Variants in ASTN2 observed in about 807,000 individuals in gnomAD.
ASTN2 encodes astrotactin 2.
ASTN2 carries 54 observed loss-of-function variants against 139.8 expected under a neutral mutation model. The observed-to-expected ratio is 0.39, with a 90% CI of 0.31 to 0.48. ASTN2 has a LOEUF of 0.48. Among genes scored for constraint, ASTN2 ranks in the 20% least tolerant of loss-of-function variants. ASTN2 has a pLI of 0.95. For synonymous variants in ASTN2, 756 were observed against 719.5 expected, an observed-to-expected ratio of 1.05 and a Z score of -0.81; for missense variants, 1,565 against 1,725.1, an observed-to-expected ratio of 0.91 and a Z score of 1.64.
chr9:117,002,956 GGAAAAGTGTTTGGGCT>G (rs1192418656), intron 7 of ASTN2, among the ~76,000 whole-genome samples: 2 of 152,160 alleles, frequency 1.3e-5, no homozygotes, highest in African/African-American at 4.8e-5. Flanking sequence ...ACCTGTAGGA[GGAAAAGTGTTTGGGCT>G]GAACGTGTAG....
At chr9:117,017,485 T>C (rs186141521) in intron 6 of ASTN2, among the ~76,000 whole-genome samples, 1 of 152,200 alleles carries the variant, frequency 6.6e-6, no homozygotes, top group Non-Finnish European at 1.5e-5. Context: ...TTGATAGGAG[T>C]CTAACGGGAA....
At chr9:117,329,837 A>G (rs1200790099) in intron 1 of ASTN2, among the ~76,000 whole-genome samples, 1 of 152,214 alleles carries the variant, frequency 6.6e-6, no homozygotes, top group African/African-American at 2.4e-5. Flanking sequence ...CACTAAAATA[A>G]TAATAGACAT....
chr9:116,960,297 G>T (rs1322794515), intron 10 of ASTN2, among the ~76,000 whole-genome samples: 1 of 152,162 alleles, frequency 6.6e-6, no homozygotes, highest in African/African-American at 2.4e-5. Context: ...TACTACCTCA[G>T]GAGTATCCTG....
chr9:117,348,882 C>CA (rs58386335), intron 1 of ASTN2, among the ~76,000 whole-genome samples: 114,744 of 130,130 alleles, frequency 0.88, 50,410 homozygotes, highest in East Asian at 0.97. Context: ...TGTCTCTGTC[C>CA]AAAAAAAAAA....
At chr9:117,051,654 CAA>C (rs946941125) in intron 5 of ASTN2, among the ~76,000 whole-genome samples, 3 of 152,206 alleles carry the variant, frequency 2.0e-5, no homozygotes, top group Admixed American at 2.0e-4. Flanking sequence ...TCTTTTATTT[CAA>C]AGACAGATTC....
intron 16 of ASTN2, among the ~76,000 whole-genome samples, chr9:116,676,526 T>C (rs192484312): frequency 6.6e-6 from 1 of 152,320 alleles, no homozygotes; most frequent in Non-Finnish European, 1.5e-5. Context: ...CTGTCTTGTT[T>C]TGTGTCCTTA....
At chr9:116,521,508 G>A (rs987545482) in intron 19 of ASTN2, among the ~76,000 whole-genome samples, 1 of 151,954 alleles carries the variant, frequency 6.6e-6, no homozygotes, top group Non-Finnish European at 1.5e-5. Context: ...AGATGGATCC[G>A]GGACTTAAAC....
At chr9:116,674,729 C>T (rs570196416) in intron 16 of ASTN2, among the ~76,000 whole-genome samples, 2 of 152,288 alleles carry the variant, frequency 1.3e-5, no homozygotes, top group South Asian at 4.1e-4. Flanking sequence ...CAATCCCCTA[C>T]ATAAACTGGC....
chr9:116,594,629 A>T (rs1020804739), intron 19 of ASTN2, among the ~76,000 whole-genome samples: 1 of 152,176 alleles, frequency 6.6e-6, no homozygotes, highest in South Asian at 2.1e-4. Context: ...TGTCATTTCC[A>T]TCACCTCTGC....
At chr9:116,638,536 A>AG in intron 17 of ASTN2, among the ~76,000 whole-genome samples, 1 of 49,928 alleles carries the variant, frequency 2.0e-5, no homozygotes, top group South Asian at 5.0e-4. Flanking sequence ...GGGAATTGCC[A>AG]AAAAAAAAAC....
intron 11 of ASTN2, 35 bp downstream of exon 11, chr9:116,863,548 G>A (rs1832947331): frequency 6.2e-7 from 1 of 1,607,312 alleles, no homozygotes; most frequent in South Asian, 1.1e-5. Context: ...TAGCCCCTGG[G>A]CCACTGCCAT....
chr9:116,594,951 A>G (rs1163257878), intron 19 of ASTN2, among the ~76,000 whole-genome samples: 1 of 152,062 alleles, frequency 6.6e-6, no homozygotes, highest in Non-Finnish European at 1.5e-5. Flanking sequence ...ACATAGGTAC[A>G]TACATACATA....
intron 19 of ASTN2, among the ~76,000 whole-genome samples, chr9:116,521,293 A>G (rs1850860517): frequency 6.6e-6 from 1 of 152,192 alleles, no homozygotes; most frequent in Admixed American, 6.5e-5. Context: ...TTGGGGTAAA[A>G]ACAGGCATAT....
intron 10 of ASTN2, among the ~76,000 whole-genome samples, chr9:116,899,284 T>C (rs1264993825): frequency 6.6e-6 from 1 of 152,126 alleles, no homozygotes. Context: ...CAGGAGAAGC[T>C]GTTAGGGCAG....
chr9:116,983,318 G>T (rs1588458621), intron 7 of ASTN2, among the ~76,000 whole-genome samples: 1 of 152,156 alleles, frequency 6.6e-6, no homozygotes, highest in Non-Finnish European at 1.5e-5. Flanking sequence ...ATGAGAGCCT[G>T]CTTTGTGCTA....
intron 10 of ASTN2, among the ~76,000 whole-genome samples, chr9:116,964,191 C>A (rs1351829719): frequency 6.6e-6 from 1 of 150,542 alleles, no homozygotes; most frequent in Non-Finnish European, 1.5e-5. Flanking sequence ...ATATCCAACT[C>A]ATCTTTCTGA....
intron 3 of ASTN2, among the ~76,000 whole-genome samples, chr9:117,178,161 C>G (rs1208983369): frequency 6.6e-6 from 1 of 152,202 alleles, no homozygotes; most frequent in East Asian, 1.9e-4. Context: ...TCTTTATTCT[C>G]TCTACTCCAT....
chr9:117,022,969 G>C (rs940044609), intron 6 of ASTN2, among the ~76,000 whole-genome samples: 1 of 151,698 alleles, frequency 6.6e-6, no homozygotes, highest in African/African-American at 2.4e-5. Flanking sequence ...CAGGAAGATA[G>C]TGAAAACAAA....
Position 116,697,665 on chromosome 9 carries a change from G to T in ASTN2, c.2806+28106C>A. On this transcript the variant is annotated intron_variant, in intron 16 of 22. Coordinates refer to ENST00000313400, the MANE Select transcript of ASTN2 (RefSeq NM_001365068.1). ...AATGGTTTCTTTTTCTCTTTAGCAG[G>T]AATTTGACCCTCTAGGGCATGAATA... 1 of 1,575,794 alleles carries T rather than the reference G, an allele frequency of 6.3e-7. No homozygotes were observed.
Sources: allele counts gnomAD v4.1 joint callset (sites outside exome capture counted in the v4.1 genomes callset), GRCh38; gene constraint gnomAD v4.1.1; transcripts MANE v1.5; gene names NCBI Gene and HGNC (gene_info 2026-07-23, HGNC 2026-07-21).